Variants in SCN11A observed in about 807,000 individuals in gnomAD.
SCN11A encodes sodium voltage-gated channel alpha subunit 11.
Under a neutral mutation model 162.2 loss-of-function variants are expected in SCN11A, and 122 were observed. The observed-to-expected ratio is 0.75, with a 90% confidence interval of 0.65 to 0.87. The LOEUF (loss-of-function observed/expected upper bound fraction) is 0.87. Ranked by LOEUF, SCN11A falls within the 40% of genes least tolerant of loss-of-function variation. The probability of loss-of-function intolerance (pLI) is 0.00; values close to 1 mark genes in which losing one functional copy is unlikely to be tolerated. For missense variants in SCN11A, 2,015 were observed against 2,181.6 expected (o/e 0.92, Z 1.52); for synonymous variants, 758 against 751.5 (o/e 1.01, Z -0.14).
chr3:38,933,884 A>T (rs2066284443), intron 7 of SCN11A, among the ~76,000 whole-genome samples: 1 of 152,208 alleles, frequency 6.6e-6, no homozygotes, highest in East Asian at 1.9e-4. Flanking sequence ...CGCCACAAAG[A>T]TACTCCTTGA....
At chr3:39,003,646 C>A (rs2030882204) in intron 2 of SCN11A, among the ~76,000 whole-genome samples, 1 of 152,168 alleles carries the variant, frequency 6.6e-6, no homozygotes, top group Admixed American at 6.5e-5. Context: ...ACACTTCCAC[C>A]AACAGTGTAT....
intron 2 of SCN11A, among the ~76,000 whole-genome samples, chr3:38,996,440 T>C (rs2030634214): frequency 6.6e-6 from 1 of 152,164 alleles, no homozygotes; most frequent in Non-Finnish European, 1.5e-5. Flanking sequence ...ATTAGCCTCA[T>C]TTGCAGGAAT....
chr3:38,882,822 T>C (rs1204768494), intron 22 of SCN11A, among the ~76,000 whole-genome samples: 1 of 152,194 alleles, frequency 6.6e-6, no homozygotes, highest in Non-Finnish European at 1.5e-5. Flanking sequence ...CTGGTCCCTG[T>C]AACTCCCTCC....
intron 2 of SCN11A, among the ~76,000 whole-genome samples, chr3:38,962,059 G>A (rs1354145304): frequency 6.6e-6 from 1 of 152,198 alleles, no homozygotes; most frequent in African/African-American, 2.4e-5. Flanking sequence ...CAAGAGATGA[G>A]GATCAAGTTT....
intron 11 of SCN11A, among the ~76,000 whole-genome samples, chr3:38,913,284 T>TA (rs35509316): frequency 7.3e-5 from 11 of 151,518 alleles, no homozygotes; most frequent in South Asian, 4.2e-4. Flanking sequence ...AAGTCTTCTT[T>TA]AAAAAAAAAG....
chr3:38,896,875 G>C lies in SCN11A; in HGVS notation c.2373C>G (p.Phe791Leu). 1 of 1,590,558 alleles carries C rather than the reference G, an allele frequency of 6.3e-7. No homozygotes were observed. The highest frequency in any genetic ancestry group is 1.1e-5 in the South Asian group (1 of 89,464). ...GTTTTCCTATCACCGTGATCAATAT[G>C]AAGACAATAACACACAATGATGATG... ...NASSSLCVIV[F>L]ILITVIGKLV... Residue 791 changes from phenylalanine to leucine, a missense_variant, in exon 18 of 30, where the codon TTC becomes TTG. Physicochemically the swap from Phe to Leu is conservative, Grantham distance 22. Coordinates refer to ENST00000302328, the MANE Select transcript of SCN11A (RefSeq NM_001349253.2).
At chr3:38,951,310 G>C (rs1347192797) in intron 4 of SCN11A, among the ~76,000 whole-genome samples, 2 of 152,258 alleles carry the variant, frequency 1.3e-5, no homozygotes, top group Non-Finnish European at 2.9e-5. Context: ...TGGCTGCGGA[G>C]GGTGTACTGG....
Position 38,867,468 on chromosome 3 carries a change from AT to A in SCN11A, c.3814-11del. 1.9e-6 allele frequency: 3 copies of A among 1,586,942 alleles called. No individual in the cohort carries two copies. Among genetic ancestry groups the A allele is most frequent in the Non-Finnish European group, 2.6e-6 (3 of 1,169,798 alleles). The stretch of plus-strand genomic sequence containing the variant: ...CTGGCTGTTGTTCTTTCTGTTAGAA[AT>A]TTTTTTAATAAGAGAAAAAAACAAT... On this transcript the variant is annotated splice_polypyrimidine_tract_variant and intron_variant, in intron 26 of 29. Coordinates refer to ENST00000302328, the MANE Select transcript of SCN11A (RefSeq NM_001349253.2).
chr3:39,017,616 C>G (rs1236357531), intron 2 of SCN11A, among the ~76,000 whole-genome samples: 1 of 152,026 alleles, frequency 6.6e-6, no homozygotes, highest in African/African-American at 2.4e-5. Flanking sequence ...TTTTCTGTCT[C>G]TCTCTCTCTT....
At chr3:39,047,026 CCCCCCACCCCCACCCCCATCCCCCCA>C (rs1270926525) in intron 1 of SCN11A, among the ~76,000 whole-genome samples, 2 of 90,970 alleles carry the variant, frequency 2.2e-5, no homozygotes, top group African/African-American at 9.1e-5. Flanking sequence ...CAGCCCCCCA[CCCCCCACCCCCACCCCCATCCCCCCA>C]CCCCCACCCC....
chr3:38,896,317 C>T (rs908764460), intron 18 of SCN11A, among the ~76,000 whole-genome samples: 2 of 152,140 alleles, frequency 1.3e-5, no homozygotes, highest in African/African-American at 4.8e-5. Context: ...TCTCTCAATT[C>T]GTGCAAACAG....
intron 1 of SCN11A, among the ~76,000 whole-genome samples, chr3:39,047,850 T>A (rs2032223008): frequency 6.6e-6 from 1 of 152,112 alleles, no homozygotes; most frequent in Non-Finnish European, 1.5e-5. Flanking sequence ...CCAGTTAGAA[T>A]CGCTATACGA....
At chr3:38,935,041 G>C (rs181967999) in intron 7 of SCN11A, among the ~76,000 whole-genome samples, 19 of 152,212 alleles carry the variant, frequency 1.2e-4, no homozygotes, top group Non-Finnish European at 2.6e-4. Context: ...TCGGACCACA[G>C]TGCAATCAAA....
chr3:39,027,336 C>A (rs1164328380), intron 2 of SCN11A, among the ~76,000 whole-genome samples: 1 of 152,178 alleles, frequency 6.6e-6, no homozygotes, highest in Admixed American at 6.5e-5. Flanking sequence ...TATTAAACCA[C>A]GAGATTTGCA....
intron 2 of SCN11A, among the ~76,000 whole-genome samples, chr3:39,022,665 T>C (rs575334655): frequency 2.6e-5 from 4 of 152,240 alleles, no homozygotes; most frequent in African/African-American, 9.6e-5. Context: ...GTGGATTGCT[T>C]GAGTCCAGGA....
intron 2 of SCN11A, among the ~76,000 whole-genome samples, chr3:38,987,293 TCTCTCTCTCTCACACACA>T (rs1323103312): frequency 2.6e-5 from 3 of 116,092 alleles, no homozygotes; most frequent in East Asian, 2.5e-4. Flanking sequence ...TCTCTCTCTC[TCTCTCTCTCTCACACACA>T]CACACACACA....
chr3:38,963,064 G>C (rs2066751866), intron 2 of SCN11A, among the ~76,000 whole-genome samples: 1 of 151,342 alleles, frequency 6.6e-6, no homozygotes, highest in Admixed American at 6.6e-5. Context: ...TGTTGGCGTG[G>C]ATGCAGTGAA....
At chr3:38,990,228 T>C (rs2030408638) in intron 2 of SCN11A, among the ~76,000 whole-genome samples, 1 of 152,194 alleles carries the variant, frequency 6.6e-6, no homozygotes, top group Non-Finnish European at 1.5e-5. Flanking sequence ...GCACTCCATC[T>C]CGACTTATCC....
intron 7 of SCN11A, among the ~76,000 whole-genome samples, chr3:38,932,464 T>C (rs953657061): frequency 2.0e-5 from 3 of 152,176 alleles, no homozygotes; most frequent in Non-Finnish European, 4.4e-5. Flanking sequence ...TTCCCTTTCC[T>C]AGTCAAAGAA....
Sources: allele counts gnomAD v4.1 joint callset (sites outside exome capture counted in the v4.1 genomes callset), GRCh38; gene constraint gnomAD v4.1.1; transcripts MANE v1.5; gene names NCBI Gene and HGNC (gene_info 2026-07-23, HGNC 2026-07-21).